The following ADAMTS3 variants were observed in gnomAD, a reference collection of about 807,000 sequenced individuals.
ADAMTS3 encodes the protein A disintegrin and metalloproteinase with thrombospondin motifs 3.
In ADAMTS3, 73 loss-of-function variants were observed where a neutral mutation model predicts 129.0. The ratio of observed to expected loss-of-function variants is 0.57; its 90% CI spans 0.47 to 0.69. The LOEUF (loss-of-function observed/expected upper bound fraction) is 0.69. Ranked by LOEUF, ADAMTS3 falls within the 30% of genes least tolerant of loss-of-function variation. ADAMTS3 has a pLI of 0.00. For synonymous variants in ADAMTS3, 477 were observed against 510.8 expected (o/e 0.93, Z 0.89); for missense variants, 1,457 against 1,514.5 (o/e 0.96, Z 0.63).
chr4:72,519,184 G>A (rs1266806776), intron 3 of ADAMTS3, among the ~76,000 whole-genome samples: 2 of 152,146 alleles, frequency 1.3e-5, no homozygotes, highest in African/African-American at 4.8e-5. Context: ...CTTCTGGCTT[G>A]TAGAGTTTCT....
chr4:72,421,288 C>T (rs186531325), intron 3 of ADAMTS3, among the ~76,000 whole-genome samples: 4 of 152,330 alleles, frequency 2.6e-5, no homozygotes, highest in Non-Finnish European at 5.9e-5. Flanking sequence ...CTAACTTTTT[C>T]CCTTCCAGCA....
chr4:72,526,351 A>C (rs982929940), intron 3 of ADAMTS3, among the ~76,000 whole-genome samples: 15 of 152,074 alleles, frequency 9.9e-5, no homozygotes, highest in African/African-American at 3.6e-4. Context: ...TCACCTGCTA[A>C]AGTTAGGGTA....
rs150933395 is a variant in ADAMTS3, at chr4:72,523,677, C to A, written c.504+24801G>T. 2.7e-3 allele frequency among the ~76,000 whole-genome samples: 405 copies of A among 152,048 alleles called. 3 individuals are homozygous for A. Among genetic ancestry groups the A allele is most frequent in the African/African-American group, 9.5e-3 (394 of 41,506 alleles). ...TTAATTCAAAAAATTAGTGAACTTACCAATATGCAACCCACTCAAAATGAC... is the reference window on the plus strand; with the variant it reads ...TTAATTCAAAAAATTAGTGAACTTAACAATATGCAACCCACTCAAAATGAC... On this transcript the variant is annotated intron_variant, in intron 3 of 21. Coordinates refer to ENST00000286657, the MANE Select transcript of ADAMTS3 (RefSeq NM_014243.3).
intron 5 of ADAMTS3, among the ~76,000 whole-genome samples, chr4:72,329,365 A>G (rs1578587028): frequency 6.6e-6 from 1 of 152,160 alleles, no homozygotes; most frequent in Non-Finnish European, 1.5e-5. Context: ...TAATTGTGTG[A>G]CTGTTTAGGG....
At chr4:72,520,907 A>T (rs1476167841) in intron 3 of ADAMTS3, among the ~76,000 whole-genome samples, 1 of 152,022 alleles carries the variant, frequency 6.6e-6, no homozygotes, top group Non-Finnish European at 1.5e-5. Context: ...CTCAGATGGA[A>T]ATGCAGAAAT....
intron 3 of ADAMTS3, among the ~76,000 whole-genome samples, chr4:72,517,339 T>C (rs1015107857): frequency 5.3e-5 from 8 of 152,238 alleles, no homozygotes; most frequent in African/African-American, 1.4e-4. Flanking sequence ...ATCAGGATGA[T>C]GCTGGCCTCA....
intron 3 of ADAMTS3, among the ~76,000 whole-genome samples, chr4:72,433,220 T>C (rs1722740274): frequency 1.3e-5 from 2 of 151,934 alleles, no homozygotes; most frequent in African/African-American, 4.8e-5. Context: ...AAATAAAGCA[T>C]CTCTCCAGCT....
At chr4:72,378,486 G>C (rs770688469) in intron 4 of ADAMTS3, among the ~76,000 whole-genome samples, 1 of 152,040 alleles carries the variant, frequency 6.6e-6, no homozygotes, top group East Asian at 1.9e-4. Flanking sequence ...AGAAACTTCC[G>C]TTTCTGAGTA....
At chr4:72,556,718 C>T (rs1721776998) in intron 2 of ADAMTS3, among the ~76,000 whole-genome samples, 2 of 151,682 alleles carry the variant, frequency 1.3e-5, no homozygotes, top group Admixed American at 1.3e-4. Context: ...AAAATTAAGG[C>T]TCGCAGAGGT....
At chr4:72,527,904 T>G (rs1268532925) in intron 3 of ADAMTS3, among the ~76,000 whole-genome samples, 1 of 152,102 alleles carries the variant, frequency 6.6e-6, no homozygotes, top group Non-Finnish European at 1.5e-5. Flanking sequence ...GTCATCAAAT[T>G]TATGTTCTGT....
At chr4:72,383,520 AT>A (rs754006985) in intron 4 of ADAMTS3, among the ~76,000 whole-genome samples, 27 of 152,236 alleles carry the variant, frequency 1.8e-4, no homozygotes, top group Non-Finnish European at 2.2e-4. Context: ...ACAGAAAGTC[AT>A]AGAAGGTGAC....
chr4:72,484,673 T>C (rs1719531321), intron 3 of ADAMTS3, among the ~76,000 whole-genome samples: 1 of 152,132 alleles, frequency 6.6e-6, no homozygotes, highest in African/African-American at 2.4e-5. Flanking sequence ...TAGGACAAAC[T>C]AGAAACTCCC....
chr4:72,522,770 A>G (rs1364879070), intron 3 of ADAMTS3, among the ~76,000 whole-genome samples: 1 of 152,206 alleles, frequency 6.6e-6, no homozygotes, highest in Non-Finnish European at 1.5e-5. Context: ...CATTTTTGAC[A>G]GTGTTAAAAA....
chr4:72,460,713 G>T (rs1322046069), intron 3 of ADAMTS3, among the ~76,000 whole-genome samples: 1 of 151,456 alleles, frequency 6.6e-6, no homozygotes, highest in Non-Finnish European at 1.5e-5. Context: ...ATGGCCACAA[G>T]AAATGCTAGA....
At chr4:72,437,661 A>C (rs1717985536) in intron 3 of ADAMTS3, among the ~76,000 whole-genome samples, 2 of 151,712 alleles carry the variant, frequency 1.3e-5, no homozygotes. Context: ...TTGGTGCACT[A>C]TGAACCAATC....
At chr4:72,555,654 T>A (rs1721745262) in intron 2 of ADAMTS3, among the ~76,000 whole-genome samples, 1 of 151,820 alleles carries the variant, frequency 6.6e-6, no homozygotes, top group Admixed American at 6.6e-5. Context: ...GGGTCAGAAA[T>A]ATAATATCTT....
In ADAMTS3 at chr4:72,364,539, G is replaced by C. The variant is rs1204689633; in HGVS notation, c.662-24846C>G. Among the ~76,000 whole-genome samples the C allele has an allele frequency of 4.0e-5, 6 of 151,624 alleles. No homozygotes were observed. The East Asian group carries it at 1.2e-3, about 30-fold the overall frequency. The stretch of plus-strand genomic sequence containing the variant: ...CTGAGGCAGGAGAATCACTTGAACC[G>C]GGAGATGGAGGTTGCAGTGAGCAGA... On this transcript the variant is annotated intron_variant, in intron 4 of 21. Transcript: ENST00000286657.
intron 3 of ADAMTS3, among the ~76,000 whole-genome samples, chr4:72,527,037 G>C (rs1720835208): frequency 6.6e-6 from 1 of 151,938 alleles, no homozygotes; most frequent in African/African-American, 2.4e-5. Context: ...ACAATAGTTA[G>C]TATTCATCAA....
At chr4:72,342,531 T>A (rs1271837668) in intron 4 of ADAMTS3, among the ~76,000 whole-genome samples, 1 of 151,576 alleles carries the variant, frequency 6.6e-6, no homozygotes, top group Admixed American at 6.6e-5. Context: ...GCCCAGCTAA[T>A]TTTTTTTCTT....
Sources: allele counts gnomAD v4.1 joint callset (sites outside exome capture counted in the v4.1 genomes callset), GRCh38; gene constraint gnomAD v4.1.1; transcripts MANE v1.5; gene names NCBI Gene and HGNC (gene_info 2026-07-23, HGNC 2026-07-21).